CASR: variants seen among roughly 807,000 people sequenced by gnomAD.
The protein encoded by CASR is calcium sensing receptor.
In CASR, 23 loss-of-function variants were observed where a neutral mutation model predicts 69.1. The observed-to-expected ratio is 0.33, with a 90% CI of 0.24 to 0.47. CASR has a LOEUF of 0.47. Among genes scored for constraint, CASR ranks in the 20% least tolerant of loss-of-function variants. The pLI, the probability that CASR is intolerant of heterozygous loss-of-function variation, is 1.00. For synonymous variants in CASR, 541 were observed against 544.7 expected, an observed-to-expected ratio of 0.99 and a Z score of 0.10; for missense variants, 924 against 1,356.1, an observed-to-expected ratio of 0.68 and a Z score of 5.00.
intron 1 of CASR, among the ~76,000 whole-genome samples, chr3:122,249,039 G>A (rs1576847839): frequency 1.3e-5 from 2 of 152,332 alleles, no homozygotes; most frequent in South Asian, 2.1e-4. Context: ...CATCAGTCTC[G>A]TGGGGTGACC....
intron 1 of CASR, among the ~76,000 whole-genome samples, chr3:122,234,577 T>TTTATTTCAAATGGAATTTAG (rs2074311360): frequency 6.6e-6 from 1 of 152,246 alleles, no homozygotes; most frequent in Non-Finnish European, 1.5e-5. Context: ...TGGAATTTTA[T>TTTATTTCAAATGGAATTTAG]TTATTTCAAA....
chr3:122,211,716 A>G (rs1362001078), intron 1 of CASR, among the ~76,000 whole-genome samples: 15 of 152,202 alleles, frequency 9.9e-5, no homozygotes, highest in Admixed American at 7.2e-4. Context: ...CTCTGCCACC[A>G]AAAAATAAAA....
At chr3:122,277,419 G>A (rs2074836036) in intron 5 of CASR, among the ~76,000 whole-genome samples, 1 of 152,090 alleles carries the variant, frequency 6.6e-6, no homozygotes, top group African/African-American at 2.4e-5. Context: ...TAGGTTGACA[G>A]GTTCCTGATG....
chr3:122,229,765 G>A (rs1387682301), intron 1 of CASR, among the ~76,000 whole-genome samples: 3 of 152,092 alleles, frequency 2.0e-5, no homozygotes, highest in African/African-American at 7.2e-5. Flanking sequence ...GGGAGGCTGA[G>A]GCAGGAGAAT....
At position 122,252,425 on chromosome 3, in the gene CASR, G is replaced by GAAAGAAAGAAAGAA. The variant is rs2074503079; in HGVS notation, c.-242-1521_-242-1508dup. ...AAGGAAGGAAAAAGAAAGAAAGAAA[G>GAAAGAAAGAAAGAA]AAAGAAAGAAAGAAAGAAAGAAAAA... is the stretch of plus-strand genomic sequence containing the variant. On this transcript the variant is annotated intron_variant, in intron 1 of 6. Transcript: ENST00000639785. Among the ~76,000 whole-genome samples the GAAAGAAAGAAAGAA allele has an allele frequency of 6.7e-5, 4 of 59,708 alleles. 1 individual carries two copies. The highest frequency in any genetic ancestry group is 1.0e-4 in the Non-Finnish European group (3 of 29,974). The allele number at this position is 59,708 out of a possible 152,430, so 39.2% of individuals were successfully genotyped here. A position where few individuals can be genotyped will look rare whatever the true frequency, so the allele number is the denominator to read the frequency against.
In CASR at chr3:122,252,283, A is replaced by G. The variant is rs1029339811; in HGVS notation, c.-242-1665A>G. Among the ~76,000 whole-genome samples the G allele has an allele frequency of 7.4e-5, 11 of 149,650 alleles. No individual in the cohort carries two copies. The Admixed American group carries it at 7.4e-4, about 10-fold the overall frequency. ...CACTGCATTCCAGGCTGGGCGACAG[A>G]GCCAGATTCTGTCAGAAAGAAAGAG... On this transcript the variant is annotated intron_variant, in intron 1 of 6. Coordinates refer to ENST00000639785, the MANE Select transcript of CASR (RefSeq NM_000388.4).
intron 1 of CASR, among the ~76,000 whole-genome samples, chr3:122,251,634 G>T (rs566102029): frequency 6.6e-6 from 1 of 152,196 alleles, no homozygotes; most frequent in African/African-American, 2.4e-5. Flanking sequence ...TGTGAGATCT[G>T]AGCATTTTAA....
intron 4 of CASR, among the ~76,000 whole-genome samples, chr3:122,274,042 A>G (rs2074788095): frequency 6.6e-6 from 1 of 152,348 alleles, no homozygotes; most frequent in East Asian, 1.9e-4. Context: ...GTCAACCATC[A>G]GAGAAGGTGG....
chr3:122,192,803 G>A (rs778912612), intron 1 of CASR, among the ~76,000 whole-genome samples: 2 of 152,028 alleles, frequency 1.3e-5, no homozygotes, highest in Non-Finnish European at 2.9e-5. Context: ...TAGTTCCTGC[G>A]AGCTCCCAGG....
At chr3:122,267,037 T>C (rs1022129204) in intron 4 of CASR, among the ~76,000 whole-genome samples, 1 of 152,192 alleles carries the variant, frequency 6.6e-6, no homozygotes, top group Non-Finnish European at 1.5e-5. Flanking sequence ...AAGAGTGTTC[T>C]CTCTCGGGCA....
chr3:122,287,488 A>T lies in CASR; in HGVS notation c.*2297A>T, dbSNP rs2074980051. Reference sequence around the variant, plus strand: ...CCTCCAGCCTAGTGACAGAAACTTCATCTTAGTCGAATCGGGGTTTTCACA... The same window carrying T: ...CCTCCAGCCTAGTGACAGAAACTTCTTCTTAGTCGAATCGGGGTTTTCACA... On this transcript the variant is annotated 3_prime_UTR_variant, in exon 7 of 7. Transcript: ENST00000639785. 6.6e-6 allele frequency: 1 copy of T among 152,220 alleles called. No homozygotes were observed. Among genetic ancestry groups the T allele is most frequent in the Non-Finnish European group, 1.5e-5 (1 of 68,038 alleles). 9.4% of individuals were successfully genotyped at this position (152,220 alleles called of 1,614,324 possible). A position where few individuals can be genotyped will look rare whatever the true frequency, so the allele number is the denominator to read the frequency against.
intron 1 of CASR, among the ~76,000 whole-genome samples, chr3:122,203,760 T>G (rs938476037): frequency 2.0e-5 from 3 of 152,058 alleles, no homozygotes; most frequent in African/African-American, 7.2e-5. Context: ...AATAAAGTAA[T>G]TGTACTATGA....
chr3:122,258,993 A>G (rs557777056), intron 3 of CASR, among the ~76,000 whole-genome samples: 1 of 152,096 alleles, frequency 6.6e-6, no homozygotes, highest in Non-Finnish European at 1.5e-5. Flanking sequence ...CACCAAGTGG[A>G]TGGAACAAGC....
At chr3:122,251,437 C>T (rs748625723) in intron 1 of CASR, among the ~76,000 whole-genome samples, 61 of 152,186 alleles carry the variant, frequency 4.0e-4, no homozygotes, top group Non-Finnish European at 7.3e-4. Flanking sequence ...AATCTGTGTT[C>T]CACTAAAGCT....
At chr3:122,200,170 G>C (rs375399452) in intron 1 of CASR, among the ~76,000 whole-genome samples, 10 of 152,154 alleles carry the variant, frequency 6.6e-5, no homozygotes, top group African/African-American at 2.4e-4. Context: ...ACCTCTCAAA[G>C]TGCTGGGATT....
intron 1 of CASR, among the ~76,000 whole-genome samples, chr3:122,216,272 G>A (rs1559941123): frequency 6.6e-6 from 1 of 152,044 alleles, no homozygotes; most frequent in South Asian, 2.1e-4. Context: ...GTCCCTTCAG[G>A]GCTACCTTGT....
chr3:122,260,436 G>A (rs1275772944), intron 3 of CASR, among the ~76,000 whole-genome samples: 1 of 152,162 alleles, frequency 6.6e-6, no homozygotes, highest in South Asian at 2.1e-4. Context: ...CTTCTCCAGG[G>A]TTCCTGTTCA....
rs1337325036 is a variant in CASR at position 122,289,390 on chromosome 3, C to G, written c.*4199C>G. 6.6e-6 allele frequency: 1 copy of G among 152,194 alleles called. No homozygotes were observed. The highest frequency in any genetic ancestry group is 1.5e-5 in the Non-Finnish European group (1 of 68,090). The allele number at this position is 152,194 out of a possible 1,614,324, so 9.4% of individuals were successfully genotyped here. A position where few individuals can be genotyped will look rare whatever the true frequency, so the allele number is the denominator to read the frequency against. On this transcript the variant is annotated 3_prime_UTR_variant, in exon 7 of 7. Coordinates refer to ENST00000639785, the MANE Select transcript of CASR (RefSeq NM_000388.4). The stretch of plus-strand genomic sequence containing the variant: ...GGCCCAGATCATGGAAAAAAAACAT[C>G]AAGACTTGGATGACAACTTTGAGTG...
intron 1 of CASR, among the ~76,000 whole-genome samples, chr3:122,229,784 C>T (rs879766700): frequency 7.9e-5 from 12 of 152,148 alleles, no homozygotes; most frequent in South Asian, 2.1e-4. Context: ...ATTGCTTGAA[C>T]CTGGGAGGTG....
Sources: gnomAD v4.1 joint callset for allele counts (sites outside exome capture counted in the v4.1 genomes callset) on GRCh38, gnomAD v4.1.1 for gene constraint, MANE v1.5 for transcripts, NCBI Gene and HGNC (gene_info 2026-07-23, HGNC 2026-07-21) for gene names.